Variants in NTRK2 observed in about 807,000 individuals in gnomAD.
NTRK2 encodes the protein BDNF/NT-3 growth factors receptor.
NTRK2 carries 13 observed loss-of-function variants against 94.5 expected under a neutral mutation model. The ratio of observed to expected loss-of-function variants is 0.14; its 90% confidence interval spans 0.09 to 0.22. The LOEUF (loss-of-function observed/expected upper bound fraction) is 0.22. NTRK2 is among the 10% of genes least tolerant of loss of function. The pLI is 1.00. For synonymous variants in NTRK2, 372 were observed against 407.4 expected (o/e 0.91, Z 1.05); for missense variants, 639 against 1,071.2 (o/e 0.60, Z 5.63).
At chr9:84,720,542 T>C (rs2061993107) in intron 6 of NTRK2, among the ~76,000 whole-genome samples, 1 of 152,136 alleles carries the variant, frequency 6.6e-6, no homozygotes, top group African/African-American at 2.4e-5. Context: ...TGTCCTACAA[T>C]GAAGATGACA....
intron 17 of NTRK2, among the ~76,000 whole-genome samples, chr9:85,015,052 A>T (rs1832066958): frequency 6.6e-6 from 1 of 152,170 alleles, no homozygotes; most frequent in South Asian, 2.1e-4. Flanking sequence ...ATTAGCCCTG[A>T]TGGTCATCTG....
chr9:84,850,775 C>A (rs919429967), intron 12 of NTRK2, among the ~76,000 whole-genome samples: 1 of 152,150 alleles, frequency 6.6e-6, no homozygotes, highest in Non-Finnish European at 1.5e-5. Flanking sequence ...GAGGCAGAAA[C>A]GCCCTTTTGG....
chr9:84,955,891 A>G (rs955979907), intron 17 of NTRK2, among the ~76,000 whole-genome samples: 2 of 152,188 alleles, frequency 1.3e-5, no homozygotes, highest in South Asian at 2.1e-4. Context: ...CTCCAAATAC[A>G]GTCACATTTT....
chr9:84,975,648 A>T (rs945411674), intron 17 of NTRK2, among the ~76,000 whole-genome samples: 1 of 152,216 alleles, frequency 6.6e-6, no homozygotes, highest in Non-Finnish European at 1.5e-5. Context: ...CAGTCTGTTT[A>T]TCAGTGCAAC....
intron 14 of NTRK2, among the ~76,000 whole-genome samples, chr9:84,921,128 C>T (rs1258539792): frequency 6.6e-6 from 1 of 152,194 alleles, no homozygotes; most frequent in African/African-American, 2.4e-5. Flanking sequence ...ATAACAGCAG[C>T]CAGATTAGTC....
At chr9:84,910,210 T>G (rs550377579) in intron 14 of NTRK2, among the ~76,000 whole-genome samples, 69 of 152,310 alleles carry the variant, frequency 4.5e-4, no homozygotes, top group Non-Finnish European at 7.9e-4. Context: ...GTTACAGGGC[T>G]GTTATAATAA....
chr9:84,677,604 C>T (rs545025357), intron 2 of NTRK2, among the ~76,000 whole-genome samples: 2 of 152,234 alleles, frequency 1.3e-5, no homozygotes, highest in South Asian at 4.1e-4. Context: ...ATTAGTTTGC[C>T]TGGGCCCCTT....
intron 17 of NTRK2, among the ~76,000 whole-genome samples, chr9:85,004,529 A>G (rs1830746867): frequency 6.6e-6 from 1 of 152,212 alleles, no homozygotes; most frequent in South Asian, 2.1e-4. Context: ...CTAAATGCCA[A>G]TGATCTGCAC....
intron 12 of NTRK2, among the ~76,000 whole-genome samples, chr9:84,830,746 C>CTAA (rs1379746099): frequency 2.0e-5 from 3 of 152,074 alleles, no homozygotes; most frequent in Admixed American, 2.0e-4. Flanking sequence ...TGGTAATGAA[C>CTAA]TAATTATGAT....
intron 14 of NTRK2, among the ~76,000 whole-genome samples, chr9:84,882,719 T>TGTGTGTGTGTGCGCGCGCGC (rs761042296): frequency 1.5e-4 from 22 of 145,828 alleles, no homozygotes; most frequent in African/African-American, 5.8e-4. Context: ...TGTGTGTGTG[T>TGTGTGTGTGTGCGCGCGCGC]GCGCGCGCGC....
At position 84,778,221 on chromosome 9, in the gene NTRK2, C is replaced by A. The variant is rs375003416; in HGVS notation, c.1396+26136C>A. 4.6e-5 allele frequency among the ~76,000 whole-genome samples: 7 copies of A among 151,428 alleles called. No individual in the cohort carries two copies. The East Asian group carries it at 5.8e-4, about 13-fold the overall frequency. On this transcript the variant is annotated intron_variant, in intron 12 of 18. Coordinates refer to ENST00000277120, the MANE Select transcript of NTRK2 (RefSeq NM_006180.6). The stretch of plus-strand genomic sequence containing the variant: ...GAGGTTGCAGAGAGCCGAGATCATA[C>A]CACTGTACTCCATCCTGGGTGACAG...
intron 14 of NTRK2, among the ~76,000 whole-genome samples, chr9:84,900,681 T>C (rs750002217): frequency 2.0e-5 from 3 of 152,196 alleles, no homozygotes; most frequent in Non-Finnish European, 4.4e-5. Flanking sequence ...GCTTAGTTTT[T>C]TCAGTGATTG....
At chr9:84,803,938 G>A (rs573690897) in intron 12 of NTRK2, among the ~76,000 whole-genome samples, 14 of 152,212 alleles carry the variant, frequency 9.2e-5, no homozygotes, top group African/African-American at 2.6e-4. Context: ...AGCTTAATTG[G>A]TACTGCTGGT....
intron 16 of NTRK2, among the ~76,000 whole-genome samples, chr9:84,951,860 C>A (rs2078794803): frequency 6.6e-6 from 1 of 152,148 alleles, no homozygotes; most frequent in Admixed American, 6.5e-5. Context: ...TCAGCTCTGC[C>A]CTATAAAGAC....
intron 2 of NTRK2, among the ~76,000 whole-genome samples, chr9:84,691,596 G>A (rs2060052025): frequency 6.6e-6 from 1 of 152,174 alleles, no homozygotes. Flanking sequence ...TAAAGACCAA[G>A]CAGCCTGGTC....
At chr9:84,708,740 G>A (rs1468594899) in intron 5 of NTRK2, among the ~76,000 whole-genome samples, 3 of 152,176 alleles carry the variant, frequency 2.0e-5, no homozygotes, top group Non-Finnish European at 4.4e-5. Flanking sequence ...TTATTCACAA[G>A]GAAATTGTGC....
chr9:85,012,605 C>T (rs1192268225), intron 17 of NTRK2, among the ~76,000 whole-genome samples: 1 of 152,014 alleles, frequency 6.6e-6, no homozygotes, highest in Non-Finnish European at 1.5e-5. Context: ...GAAGTTGGCA[C>T]AATTATTAGA....
intron 12 of NTRK2, chr9:84,812,916 T>TA: frequency 9.7e-7 from 1 of 1,033,186 alleles, no homozygotes; most frequent in Non-Finnish European, 1.2e-6. Flanking sequence ...AACAGCAGGC[T>TA]ATTAGAAAAT....
chr9:84,766,070 A>C (rs2065997574), intron 12 of NTRK2, among the ~76,000 whole-genome samples: 1 of 152,174 alleles, frequency 6.6e-6, no homozygotes, highest in Non-Finnish European at 1.5e-5. Context: ...AGAGAGAAAA[A>C]CAGAGAAAGA....
Sources: gnomAD v4.1 joint callset for allele counts (sites outside exome capture counted in the v4.1 genomes callset) on GRCh38, gnomAD v4.1.1 for gene constraint, MANE v1.5 for transcripts, NCBI Gene and HGNC (gene_info 2026-07-23, HGNC 2026-07-21) for gene names.